Variants in KLHL23 observed in about 807,000 individuals in gnomAD.
KLHL23 encodes the protein kelch like family member 23, also known as kelch-like protein 23.
A neutral mutation model predicts 48.9 loss-of-function variants in KLHL23; 33 were observed. The observed-to-expected ratio is 0.67, with a 90% CI of 0.51 to 0.90. The LOEUF is 0.90. KLHL23 is among the 40% of genes least tolerant of loss of function. The pLI is 0.00. For synonymous variants in KLHL23, 234 were observed against 231.6 expected (o/e 1.01, Z -0.09); for missense variants, 608 against 669.6 (o/e 0.91, Z 1.02).
At chr2:169,738,599 A>G (rs1688571150) in intron 2 of KLHL23, among the ~76,000 whole-genome samples, 1 of 152,126 alleles carries the variant, frequency 6.6e-6, no homozygotes, top group African/African-American at 2.4e-5. Flanking sequence ...ACAGAGAATA[A>G]ATAAATACTT....
At chr2:169,746,111 G>A (rs572342258) in intron 3 of KLHL23, among the ~76,000 whole-genome samples, 140 of 152,308 alleles carry the variant, frequency 9.2e-4, no homozygotes, top group African/African-American at 3.2e-3. Context: ...AGAGCCGAGA[G>A]GAAGCAGTAT....
rs1688905661 is a variant in KLHL23, at chr2:169,749,945, ATGTGTTCATATATATG to A, written c.*215_*230del. On this transcript the variant is annotated 3_prime_UTR_variant, in exon 4 of 4. Coordinates refer to ENST00000392647, the MANE Select transcript of KLHL23 (RefSeq NM_144711.6). ...TATATATATATACACACACACATAT[ATGTGTTCATATATATG>A]TATACATATATATGTGTATATATAC... is the stretch of plus-strand genomic sequence containing the variant. 7 of 233,434 alleles carry A rather than the reference ATGTGTTCATATATATG, an allele frequency of 3.0e-5. No individual in the cohort carries two copies. The highest frequency in any genetic ancestry group is 1.1e-3 in the Middle Eastern group (1 of 910). The allele number at this position is 233,434 out of a possible 1,614,324, so 14.5% of individuals were successfully genotyped here.
In KLHL23 at chr2:169,741,534, C is replaced by T. The variant is rs749841022; in HGVS notation, c.1363C>T (p.Pro455Ser). The T allele has an allele frequency of 6.2e-7, 1 of 1,612,128 alleles. No individual in the cohort carries two copies. Among genetic ancestry groups the T allele is most frequent in the African/African-American group, 1.3e-5 (1 of 74,948 alleles). ...EWSLITSSPH[P>S]EYGLCSVPFE... ...GAGCCTCATCACCTCCAGTCCACAT[C>T]CAGGTAACAAAAATACTGTCTCAAA... Residue 455 changes from proline to serine, a missense_variant, in exon 3 of 4, where the codon CCA becomes TCA. Around this residue, in one of 3 missense-constraint regions of KLHL23, gnomAD observed 179 missense variants for 169.9 expected, o/e 1.05. Coordinates refer to ENST00000392647, the MANE Select transcript of KLHL23 (RefSeq NM_144711.6).
At position 169,735,763 on chromosome 2, in the gene KLHL23, A is replaced by G. The variant is rs1688497142; in HGVS notation, c.749A>G (p.Asn250Ser). The G allele has an allele frequency of 6.2e-7, 1 of 1,614,002 alleles. No homozygotes were observed. Among genetic ancestry groups the G allele is most frequent in the Non-Finnish European group, 8.5e-7 (1 of 1,180,052 alleles). ...CAAAGAAGCTGCCTGCTCACCGAAA[A>G]TAAGATCCGCTCCCTAATATACAAT... is the stretch of plus-strand genomic sequence containing the variant. ...GLQRSCLLTE[N>S]KIRSLIYNAL... is the part of the protein sequence containing the mutation. Residue 250 changes from asparagine to serine, a missense_variant, in exon 2 of 4, where the codon AAT (asparagine) becomes AGT (serine). Physicochemically the swap from Asn to Ser is conservative, Grantham distance 46. Transcript: ENST00000392647. The surrounding 1 kb of genome is among the most constrained non-coding windows in gnomAD (Gnocchi z 4.5).
In KLHL23 at chr2:169,736,296, T is replaced by A; in HGVS notation, c.1213+69T>A. 5.3e-6 allele frequency: 8 copies of A among 1,513,686 alleles called. No homozygotes were observed. The South Asian group carries it at 1.1e-4, about 20-fold the overall frequency. The allele number at this position is 1,513,686 out of a possible 1,614,324, so 93.8% of individuals were successfully genotyped here. On this transcript the variant is annotated intron_variant, in intron 2 of 3. Coordinates refer to ENST00000392647, the MANE Select transcript of KLHL23 (RefSeq NM_144711.6). Reference sequence around the variant, plus strand: ...AGCTAGGCCAGCAGTCTCACTTCTCTTGAATTTATCACTTTGGGATGCTAT... The same window carrying A: ...AGCTAGGCCAGCAGTCTCACTTCTCATGAATTTATCACTTTGGGATGCTAT...
intron 1 of KLHL23, among the ~76,000 whole-genome samples, chr2:169,734,423 C>A (rs529304806): frequency 6.7e-6 from 1 of 149,406 alleles, no homozygotes; most frequent in Non-Finnish European, 1.5e-5. Flanking sequence ...GGGGCCCAGG[C>A]GCGGGGCGCG....
chr2:169,745,300 C>T (rs1386942190), intron 3 of KLHL23, among the ~76,000 whole-genome samples: 3 of 151,930 alleles, frequency 2.0e-5, no homozygotes, highest in Middle Eastern at 3.4e-3. Flanking sequence ...ATCATGAGGT[C>T]AGGAGATCGA....
At position 169,749,755 on chromosome 2, in the gene KLHL23, G is replaced by T; in HGVS notation, c.*23G>T. ...TAATTGAATCTGCAGAAATGACCAA[G>T]CAATCACTTTTTTGGAGTATAGTTT... is the stretch of plus-strand genomic sequence containing the variant. On this transcript the variant is annotated 3_prime_UTR_variant, in exon 4 of 4. Transcript: ENST00000392647. 1.3e-6 allele frequency: 2 copies of T among 1,564,720 alleles called. No homozygotes were observed. The highest frequency in any genetic ancestry group is 8.7e-7 in the Non-Finnish European group (1 of 1,150,746).
rs766994418 is a variant in KLHL23 at position 169,749,928 on chromosome 2, TATACAC to T, written c.*198_*203del. On this transcript the variant is annotated 3_prime_UTR_variant, in exon 4 of 4. Coordinates refer to ENST00000392647, the MANE Select transcript of KLHL23 (RefSeq NM_144711.6). Reference sequence around the variant, plus strand: ...AAGAAAAATCTTATATATATATATATATACACACACACATATATGTGTTCATATATA... The same window carrying T: ...AAGAAAAATCTTATATATATATATATACACACATATATGTGTTCATATATA... 118 of 208,212 alleles carry T rather than the reference TATACAC, an allele frequency of 5.7e-4. 10 individuals carry two copies. Among genetic ancestry groups the T allele is most frequent in the Middle Eastern group, 1.2e-3 (1 of 862 alleles). The allele number at this position is 208,212 out of a possible 1,614,324, so 12.9% of individuals were successfully genotyped here.
chr2:169,736,321 T>C (rs997881261), intron 2 of KLHL23, 94 bp downstream of exon 2: 5 of 1,460,782 alleles, frequency 3.4e-6, no homozygotes, highest in African/African-American at 2.8e-5. Flanking sequence ...TGGGATGCTA[T>C]CTAGGAACTA....
intron 2 of KLHL23, among the ~76,000 whole-genome samples, chr2:169,740,784 ATATATAT>A (rs1388472100): frequency 8.1e-6 from 1 of 123,502 alleles, no homozygotes; most frequent in African/African-American, 3.4e-5. Context: ...ATATATATAT[ATATATAT>A]AACTTATTTA....
In KLHL23 at chr2:169,735,030, CAAG is replaced by C. The variant is rs1180936552; in HGVS notation, c.21_23del (p.Glu7del). The stretch of plus-strand genomic sequence containing the variant: ...TATTGCAGCCATGGCTCTAAAAGGA[CAAG>C]AAGATTATATTTATCTTTTCAAGGA... On this transcript the variant is annotated inframe_deletion, in exon 2 of 4. Coordinates refer to ENST00000392647, the MANE Select transcript of KLHL23 (RefSeq NM_144711.6). The surrounding 1 kb of genome is among the most constrained non-coding windows in gnomAD (Gnocchi z 4.5). The C allele has an allele frequency of 1.1e-5, 17 of 1,552,252 alleles. No individual in the cohort carries two copies. Among genetic ancestry groups the C allele is most frequent in the Non-Finnish European group, 1.5e-5 (17 of 1,154,806 alleles).
At chr2:169,743,750 G>C (rs960314851) in intron 3 of KLHL23, among the ~76,000 whole-genome samples, 1 of 152,126 alleles carries the variant, frequency 6.6e-6, no homozygotes, top group Admixed American at 6.5e-5. Flanking sequence ...TTCTCCTCAC[G>C]TCACTGACCT....
Position 169,740,030 on chromosome 2 carries a change from C to T in KLHL23, c.1214-1355C>T, listed in dbSNP as rs28653341. Among the ~76,000 whole-genome samples the T allele has an allele frequency of 7.3e-3, 1,105 of 152,236 alleles. 9 individuals carry two copies. The highest frequency in any genetic ancestry group is 0.025 in the African/African-American group (1,034 of 41,522). On this transcript the variant is annotated intron_variant, in intron 2 of 3. Transcript: ENST00000392647. Reference sequence around the variant, plus strand: ...GGGCACTTACCATGAATGGAGCTTGCAGGACTGGAAGTTGTTCTGGTTGAG... The same window carrying T: ...GGGCACTTACCATGAATGGAGCTTGTAGGACTGGAAGTTGTTCTGGTTGAG...
chr2:169,735,733 G>A lies in KLHL23; in HGVS notation c.719G>A (p.Gly240Asp), dbSNP rs1325539782. ...CCAGTGTACTTAAAAACAGCCTTAG[G>A]CCTTCAAAGAAGCTGCCTGCTCACC... is the stretch of plus-strand genomic sequence containing the variant. Reference protein sequence around the residue: ...IDPVYLKTALGLQRSCLLTEN... With the variant: ...IDPVYLKTALDLQRSCLLTEN... Residue 240 changes from glycine to aspartate, a missense_variant, in exon 2 of 4, where the codon GGC becomes GAC. Gly to Asp is a moderately conservative substitution (Grantham distance 94). Around this residue, in one of 3 missense-constraint regions of KLHL23, gnomAD observed 419 missense variants for 473.1 expected, o/e 0.89. Coordinates refer to ENST00000392647, the MANE Select transcript of KLHL23 (RefSeq NM_144711.6). This position sits in a 1 kb window ranked among gnomAD's most constrained non-coding sequence, Gnocchi z 4.5. The A allele has an allele frequency of 6.2e-7, 1 of 1,613,982 alleles. No homozygotes were observed.
chr2:169,748,782 C>T (rs1007527228), intron 3 of KLHL23, among the ~76,000 whole-genome samples: 3 of 112,040 alleles, frequency 2.7e-5, no homozygotes, highest in South Asian at 3.5e-4. Context: ...CCCCCCCCCC[C>T]CCCCATATAC....
rs1688935945 is a variant in KLHL23 at position 169,750,116 on chromosome 2, G to GTATACA, written c.*388_*389insCATATA. 1 of 137,002 alleles carries GTATACA rather than the reference G, an allele frequency of 7.3e-6. No homozygotes were observed. Among genetic ancestry groups the GTATACA allele is most frequent in the Non-Finnish European group, 1.5e-5 (1 of 65,308 alleles). 8.5% of individuals were successfully genotyped at this position (137,002 alleles called of 1,614,324 possible). ...TATATGTGTATACATATATATGTGT[G>GTATACA]TATATATATACACATATATACGTAT... On this transcript the variant is annotated 3_prime_UTR_variant, in exon 4 of 4. Coordinates refer to ENST00000392647, the MANE Select transcript of KLHL23 (RefSeq NM_144711.6).
chr2:169,744,943 G>T (rs200085978), intron 3 of KLHL23, among the ~76,000 whole-genome samples: 74 of 142,550 alleles, frequency 5.2e-4, no homozygotes, highest in African/African-American at 6.8e-4. Context: ...TTTGTTTTTT[G>T]TTTTTTTTTT....
rs144118398 is a variant in KLHL23, at chr2:169,741,429, G to A, written c.1258G>A (p.Val420Ile). ...CTGTGTCTTACATGATGTTATCTAC[G>A]TCATTGGTGGCCACTGTGGCTACAG... ...TACVLHDVIY[V>I]IGGHCGYRGS... The change falls in exon 3 of 4, where the codon GTC becomes ATC. Residue 420 changes from valine to isoleucine, a missense_variant. Physicochemically the swap from Val to Ile is conservative, Grantham distance 29 (BLOSUM62 3). Transcript: ENST00000392647. 25 of 1,613,792 alleles carry A rather than the reference G, an allele frequency of 1.5e-5. No individual in the cohort carries two copies. The highest frequency in any genetic ancestry group is 1.6e-4 in the Middle Eastern group (1 of 6,062).
Sources: allele counts gnomAD v4.1 joint callset (sites outside exome capture counted in the v4.1 genomes callset), GRCh38; gene constraint gnomAD v4.1.1; regional missense constraint gnomAD v4.1.1; non-coding constraint Gnocchi (gnomAD v3.1); transcripts MANE v1.5; gene names NCBI Gene and HGNC (gene_info 2026-07-23, HGNC 2026-07-21).